Variants in ARHGAP35 observed in about 807,000 individuals in gnomAD.
ARHGAP35 encodes the protein rho GTPase-activating protein 35.
A neutral mutation model predicts 111.1 loss-of-function variants in ARHGAP35; 15 were observed. The observed-to-expected ratio is 0.13, with a 90% CI of 0.09 to 0.21. ARHGAP35 has a LOEUF of 0.21. Among genes scored for constraint, ARHGAP35 ranks in the 10% least tolerant of loss-of-function variants. ARHGAP35 has a pLI of 1.00. For synonymous variants in ARHGAP35, 643 were observed against 710.3 expected (o/e 0.91, Z 1.51); for missense variants, 1,262 against 1,873.0 (o/e 0.67, Z 6.02).
chr19:46,899,106 G>A (rs140121762), intron 1 of ARHGAP35, among the ~76,000 whole-genome samples: 171 of 152,302 alleles, frequency 1.1e-3, no homozygotes, highest in African/African-American at 3.1e-3. Flanking sequence ...GTAGAAGGGC[G>A]CGTTTGACCA....
chr19:46,960,510 T>C (rs985262644), intron 3 of ARHGAP35, among the ~76,000 whole-genome samples: 1 of 152,174 alleles, frequency 6.6e-6, no homozygotes, highest in Admixed American at 6.5e-5. Context: ...AGTTTCTTAT[T>C]AGAGAACAGA....
At chr19:46,915,560 G>T (rs1046880110) in intron 1 of ARHGAP35, among the ~76,000 whole-genome samples, 8 of 152,116 alleles carry the variant, frequency 5.3e-5, no homozygotes, top group African/African-American at 1.4e-4. Flanking sequence ...AATGCGTGGT[G>T]GTCTGACTTC....
chr19:46,990,732 G>A (rs966749630), intron 5 of ARHGAP35, among the ~76,000 whole-genome samples: 2 of 152,176 alleles, frequency 1.3e-5, no homozygotes, highest in Non-Finnish European at 2.9e-5. Flanking sequence ...GGAGGTGATG[G>A]ATCAGCATGG....
At chr19:46,875,359 T>C (rs2055912743) in intron 1 of ARHGAP35, among the ~76,000 whole-genome samples, 1 of 152,190 alleles carries the variant, frequency 6.6e-6, no homozygotes, top group African/African-American at 2.4e-5. Flanking sequence ...CCATTTGTTC[T>C]GTGACATCAC....
At position 46,921,621 on chromosome 19, in the gene ARHGAP35, G is replaced by A; in HGVS notation, c.2946G>A (p.Leu982=). 6.2e-7 allele frequency: 1 copy of A among 1,613,904 alleles called. No homozygotes were observed. Among genetic ancestry groups the A allele is most frequent in the South Asian group, 1.1e-5 (1 of 91,076 alleles). ...RAGSPLCNSN[L]QDSEEDIEPS... Reference sequence around the variant, plus strand: ...GATCACCGCTCTGCAACTCAAACCTGCAGGATTCAGAAGAAGATATCGAGC... The same window carrying A: ...GATCACCGCTCTGCAACTCAAACCTACAGGATTCAGAAGAAGATATCGAGC... The change falls in exon 2 of 7, where the codon CTG becomes CTA. Residue 982 remains leucine (L), a synonymous_variant. Coordinates refer to ENST00000672722, the MANE Select transcript of ARHGAP35 (RefSeq NM_004491.5). This position sits in a 1 kb window ranked among gnomAD's most constrained non-coding sequence, Gnocchi z 4.3.
At chr19:46,942,962 G>A (rs1174592668) in intron 3 of ARHGAP35, among the ~76,000 whole-genome samples, 1 of 151,756 alleles carries the variant, frequency 6.6e-6, no homozygotes, top group Non-Finnish European at 1.5e-5. Context: ...TCAATCAATA[G>A]TCACACTGCA....
intron 1 of ARHGAP35, among the ~76,000 whole-genome samples, chr19:46,881,048 A>G (rs553653058): frequency 1.3e-5 from 2 of 149,800 alleles, no homozygotes; most frequent in East Asian, 4.0e-4. Context: ...GGGTTCAAGC[A>G]ATTCTCCGGC....
intron 2 of ARHGAP35, among the ~76,000 whole-genome samples, chr19:46,931,576 A>C (rs141906608): frequency 2.0e-4 from 30 of 152,366 alleles, no homozygotes; most frequent in African/African-American, 7.0e-4. Flanking sequence ...TATTATTTAT[A>C]AACTTTGCCA....
At chr19:46,939,980 T>G (rs1342273697) in intron 3 of ARHGAP35, among the ~76,000 whole-genome samples, 2 of 151,432 alleles carry the variant, frequency 1.3e-5, no homozygotes, top group African/African-American at 4.8e-5. Flanking sequence ...CTCACGACTG[T>G]AGTCCCAGCA....
At chr19:46,894,312 G>T (rs1488080017) in intron 1 of ARHGAP35, among the ~76,000 whole-genome samples, 1 of 152,084 alleles carries the variant, frequency 6.6e-6, no homozygotes, top group Non-Finnish European at 1.5e-5. Flanking sequence ...GTGGATCAAT[G>T]ATGTGAAATT....
chr19:46,978,828 T>G (rs1339031153), intron 3 of ARHGAP35, among the ~76,000 whole-genome samples: 4 of 79,360 alleles, frequency 5.0e-5, no homozygotes, highest in Admixed American at 1.8e-4. Flanking sequence ...GGGGTTTGTG[T>G]GGTGGGGGAT....
At chr19:46,870,322 T>TA (rs750115571) in intron 1 of ARHGAP35, among the ~76,000 whole-genome samples, 3 of 151,522 alleles carry the variant, frequency 2.0e-5, no homozygotes, top group Non-Finnish European at 2.9e-5. Flanking sequence ...CTCATGCCTG[T>TA]AATCCCCAGC....
intron 3 of ARHGAP35, among the ~76,000 whole-genome samples, chr19:46,953,741 G>C (rs2056424662): frequency 6.6e-6 from 1 of 152,122 alleles, no homozygotes; most frequent in Admixed American, 6.5e-5. Context: ...CCAGTGTGGG[G>C]GCAGCCCAGG....
At chr19:46,936,153 G>A (rs2122223597) in intron 2 of ARHGAP35, among the ~76,000 whole-genome samples, 1 of 152,308 alleles carries the variant, frequency 6.6e-6, no homozygotes, top group African/African-American at 2.4e-5. Flanking sequence ...GAGGTAGGAA[G>A]ATCACTTGAG....
chr19:46,916,646 A>AT (rs59214975), intron 1 of ARHGAP35, among the ~76,000 whole-genome samples: 216 of 151,514 alleles, frequency 1.4e-3, no homozygotes, highest in African/African-American at 4.4e-3. Context: ...TACACACTTA[A>AT]TTTTTTTTTA....
chr19:46,978,347 G>A (rs2056590278), intron 3 of ARHGAP35, among the ~76,000 whole-genome samples: 1 of 152,204 alleles, frequency 6.6e-6, no homozygotes. Context: ...GAACCTGAAG[G>A]AAGTTAACCT....
intron 1 of ARHGAP35, among the ~76,000 whole-genome samples, chr19:46,869,943 C>CTT (rs746775975): frequency 4.5e-5 from 5 of 111,126 alleles, no homozygotes; most frequent in East Asian, 2.4e-4. Context: ...TCACTGTGTA[C>CTT]TTTTTTTTTT....
intron 3 of ARHGAP35, among the ~76,000 whole-genome samples, chr19:46,943,497 T>G (rs1301511839): frequency 6.6e-6 from 1 of 152,228 alleles, no homozygotes; most frequent in Non-Finnish European, 1.5e-5. Context: ...GCTTGCACTT[T>G]GCTTAGGGAA....
chr19:46,967,733 C>T (rs1305569954), intron 3 of ARHGAP35, among the ~76,000 whole-genome samples: 1 of 152,232 alleles, frequency 6.6e-6, no homozygotes, highest in Non-Finnish European at 1.5e-5. Flanking sequence ...CCTTCATTCA[C>T]TCTAAACTTC....
Sources: allele counts gnomAD v4.1 joint callset (sites outside exome capture counted in the v4.1 genomes callset), GRCh38; gene constraint gnomAD v4.1.1; non-coding constraint Gnocchi (gnomAD v3.1); transcripts MANE v1.5; gene names NCBI Gene and HGNC (gene_info 2026-07-23, HGNC 2026-07-21).